Variants in CLIP1 observed in about 807,000 individuals in gnomAD.
CLIP1 encodes the protein CAP-Gly domain-containing linker protein 1.
CLIP1 carries 66 observed loss-of-function variants against 161.6 expected under a neutral mutation model. The ratio of observed to expected loss-of-function variants is 0.41; its 90% CI spans 0.33 to 0.50. CLIP1 has a LOEUF of 0.50. CLIP1 is among the 20% of genes least tolerant of loss of function. The probability of loss-of-function intolerance (pLI) is 0.27; values close to 1 mark genes in which losing one functional copy is unlikely to be tolerated. For missense variants in CLIP1, 1,376 were observed against 1,702.0 expected (o/e 0.81, Z 3.37); for synonymous variants, 598 against 626.2 (o/e 0.96, Z 0.67).
intron 1 of CLIP1, among the ~76,000 whole-genome samples, chr12:122,391,518 G>C (rs1399118220): frequency 6.6e-6 from 1 of 152,158 alleles, no homozygotes. Flanking sequence ...CCCAGGAGGC[G>C]GAGGGTGCAG....
intron 20 of CLIP1, among the ~76,000 whole-genome samples, chr12:122,304,194 T>TC (rs1950786291): frequency 6.6e-6 from 1 of 152,170 alleles, no homozygotes; most frequent in Non-Finnish European, 1.5e-5. Context: ...TCCCAGGCTG[T>TC]CTACTCACTT....
intron 1 of CLIP1, among the ~76,000 whole-genome samples, chr12:122,416,004 C>G (rs566712947): frequency 6.6e-6 from 1 of 152,142 alleles, no homozygotes; most frequent in South Asian, 2.1e-4. Flanking sequence ...CTGTGGGAGG[C>G]TGAGGTGGGT....
rs572241226 is a variant in CLIP1, at chr12:122,404,663, G to A, written c.-107+17858C>T. On this transcript the variant is annotated intron_variant, in intron 1 of 25. Transcript: ENST00000620786. ...TGTAATCCCAGCACTTTGGGAGGCCGAGGCAGGTGGATCACGAGGTCGGAT... is the reference window on the plus strand; with the variant it reads ...TGTAATCCCAGCACTTTGGGAGGCCAAGGCAGGTGGATCACGAGGTCGGAT... Among the ~76,000 whole-genome samples, 353 of 121,450 alleles carry A rather than the reference G, an allele frequency of 2.9e-3. 1 individual carries two copies. Among genetic ancestry groups the A allele is most frequent in the African/African-American group, 0.011 (341 of 31,338 alleles). The allele number at this position is 121,450 out of a possible 152,430, so 79.7% of individuals were successfully genotyped here.
chr12:122,301,778 G>A (rs1335940233), intron 20 of CLIP1, among the ~76,000 whole-genome samples: 1 of 152,206 alleles, frequency 6.6e-6, no homozygotes, highest in Non-Finnish European at 1.5e-5. Flanking sequence ...CAGTCCTTGT[G>A]TCCGCTTCTC....
chr12:122,397,828 G>T (rs189744227), intron 1 of CLIP1, among the ~76,000 whole-genome samples: 1 of 151,726 alleles, frequency 6.6e-6, no homozygotes, highest in Non-Finnish European at 1.5e-5. Context: ...GGAGGCGCAT[G>T]CCTGTAATCC....
chr12:122,356,974 A>G lies in CLIP1; in HGVS notation c.1006-1662T>C, dbSNP rs180745930. On this transcript the variant is annotated intron_variant, in intron 5 of 25. Coordinates refer to ENST00000620786, the MANE Select transcript of CLIP1 (RefSeq NM_001247997.2). ...ACCCAGGCTGGAGTGCAGTAGCGTGATCTCGGCTCGCTACAACCTCCACCT... is the reference window on the plus strand; with the variant it reads ...ACCCAGGCTGGAGTGCAGTAGCGTGGTCTCGGCTCGCTACAACCTCCACCT... Among the ~76,000 whole-genome samples the G allele has an allele frequency of 9.4e-3, 1,428 of 152,154 alleles. 9 individuals carry two copies. The highest frequency in any genetic ancestry group is 0.031 in the African/African-American group (1,307 of 41,498).
At chr12:122,349,863 C>G (rs1170280234) in intron 9 of CLIP1, among the ~76,000 whole-genome samples, 2 of 151,858 alleles carry the variant, frequency 1.3e-5, no homozygotes, top group Non-Finnish European at 2.9e-5. Flanking sequence ...AGAACGAAGA[C>G]CTTTTAAAAA....
intron 1 of CLIP1, among the ~76,000 whole-genome samples, chr12:122,385,677 A>G (rs930817219): frequency 6.6e-6 from 1 of 152,210 alleles, no homozygotes. Flanking sequence ...AATGAAAGGA[A>G]GAGAATGAAG....
intron 3 of CLIP1, among the ~76,000 whole-genome samples, chr12:122,368,496 G>A (rs775091562): frequency 6.6e-6 from 1 of 152,016 alleles, no homozygotes; most frequent in African/African-American, 2.4e-5. Context: ...TCCAGTTCTC[G>A]GCAAGCCATT....
intron 20 of CLIP1, among the ~76,000 whole-genome samples, chr12:122,308,604 A>G (rs1426189074): frequency 6.6e-6 from 1 of 152,166 alleles, no homozygotes; most frequent in Non-Finnish European, 1.5e-5. Flanking sequence ...ACAAATTACT[A>G]TCATCTTTGT....
chr12:122,323,447 T>A lies in CLIP1; in HGVS notation c.3250-4099A>T, dbSNP rs1160775411. The A allele has an allele frequency of 1.3e-5, 2 of 152,680 alleles. No individual in the cohort carries two copies. The highest frequency in any genetic ancestry group is 4.8e-5 in the African/African-American group (2 of 41,458). 9.5% of individuals were successfully genotyped at this position (152,680 alleles called of 1,614,324 possible). ...GACCGCCCGCCTGGCCTTAATTTCC[T>A]CCAAGAGCTTCGTGAGGCTTGTGTT... On this transcript the variant is annotated intron_variant, in intron 17 of 25. Transcript: ENST00000620786. This position sits in a 1 kb window ranked among gnomAD's most constrained non-coding sequence, Gnocchi z 4.1.
chr12:122,294,278 G>A (rs1195842291), intron 20 of CLIP1, among the ~76,000 whole-genome samples: 1 of 142,378 alleles, frequency 7.0e-6, no homozygotes, highest in Non-Finnish European at 1.5e-5. Context: ...GCAGTGAGCT[G>A]AGATGGCGCC....
intron 20 of CLIP1, 28 bp from the exon 21 acceptor site, chr12:122,288,569 T>C (rs1190955042): frequency 6.3e-7 from 1 of 1,595,034 alleles, no homozygotes; most frequent in Non-Finnish European, 8.5e-7. Context: ...AAAACTTCAG[T>C]TCATAACCAG....
intron 21 of CLIP1, chr12:122,280,516 A>T (rs1955605883): frequency 1.3e-5 from 2 of 152,236 alleles, no homozygotes; most frequent in South Asian, 4.1e-4. Context: ...TGGATGCTGT[A>T]ACACAAAAGG....
At chr12:122,312,952 T>C (rs1354701229) in intron 19 of CLIP1, among the ~76,000 whole-genome samples, 1 of 152,158 alleles carries the variant, frequency 6.6e-6, no homozygotes, top group East Asian at 1.9e-4. Context: ...GACTAAGGAA[T>C]AGCAAAGTGA....
chr12:122,294,985 G>A (rs565187186), intron 20 of CLIP1, among the ~76,000 whole-genome samples: 3 of 151,844 alleles, frequency 2.0e-5, no homozygotes, highest in East Asian at 3.9e-4. Context: ...GAACCCAGGA[G>A]GCAGAGGTTT....
intron 20 of CLIP1, among the ~76,000 whole-genome samples, chr12:122,306,529 A>G (rs1950880890): frequency 6.6e-6 from 1 of 152,208 alleles, no homozygotes; most frequent in African/African-American, 2.4e-5. Context: ...GCAGAAGCAC[A>G]CGATCCTGAC....
chr12:122,408,229 C>CA (rs1259000241), intron 1 of CLIP1, among the ~76,000 whole-genome samples: 2,106 of 57,056 alleles, frequency 0.037, 44 homozygotes, highest in East Asian at 0.16. Flanking sequence ...TACTCCGTCT[C>CA]AAAAAAAAAA....
chr12:122,418,163 G>A (rs546171055), intron 1 of CLIP1, among the ~76,000 whole-genome samples: 1 of 152,038 alleles, frequency 6.6e-6, no homozygotes, highest in African/African-American at 2.4e-5. Context: ...AGAATAACAG[G>A]GATTTCTGTC....
Sources: allele counts gnomAD v4.1 joint callset (sites outside exome capture counted in the v4.1 genomes callset), GRCh38; gene constraint gnomAD v4.1.1; non-coding constraint Gnocchi (gnomAD v3.1); transcripts MANE v1.5; gene names NCBI Gene and HGNC (gene_info 2026-07-23, HGNC 2026-07-21).